STK31: variants seen among roughly 807,000 people sequenced by gnomAD.
The protein encoded by STK31 is serine/threonine-protein kinase 31.
A neutral mutation model predicts 129.7 loss-of-function variants in STK31; 89 were observed. That is an observed-to-expected ratio of 0.69 (90% CI 0.58 to 0.82). The LOEUF is 0.82. Among genes scored for constraint, STK31 ranks in the 40% least tolerant of loss-of-function variants. The pLI, the probability that STK31 is intolerant of heterozygous loss-of-function variation, is 0.00. For synonymous variants in STK31, 448 were observed against 395.3 expected (o/e 1.13, Z -1.58); for missense variants, 1,187 against 1,176.4 (o/e 1.01, Z -0.13).
In STK31 at chr7:23,776,937, C is replaced by A. The variant is rs1584428132; in HGVS notation, c.1966-4482C>A. Among the ~76,000 whole-genome samples the A allele has an allele frequency of 2.0e-5, 3 of 152,256 alleles. No individual in the cohort carries two copies. The South Asian group carries it at 6.2e-4, about 32-fold the overall frequency. On this transcript the variant is annotated intron_variant, in intron 15 of 23. Transcript: ENST00000355870. ...TTAGGGTGTCGATTTTAGATCTTTT[C>A]CGCTTTCACCTGTGGGCATTTAGTG...
chr7:23,716,123 T>G (rs778755754), intron 3 of STK31, among the ~76,000 whole-genome samples: 5 of 152,222 alleles, frequency 3.3e-5, no homozygotes, highest in Admixed American at 6.5e-5. Context: ...AAATTGTATT[T>G]AGTTGTGTAT....
At chr7:23,740,289 AT>A (rs904309510) in intron 8 of STK31, among the ~76,000 whole-genome samples, 12 of 151,726 alleles carry the variant, frequency 7.9e-5, no homozygotes, top group African/African-American at 2.7e-4. Flanking sequence ...CACTGAAGCC[AT>A]TTTTTTTCTT....
chr7:23,734,714 C>T (rs2128079223), intron 6 of STK31, among the ~76,000 whole-genome samples: 1 of 152,282 alleles, frequency 6.6e-6, no homozygotes, highest in African/African-American at 2.4e-5. Flanking sequence ...CCTGTAATCC[C>T]AGCACTTTGG....
intron 7 of STK31, 106 bp downstream of exon 7, chr7:23,736,002 T>C (rs1787697152): frequency 4.6e-6 from 4 of 876,132 alleles, no homozygotes; most frequent in Non-Finnish European, 6.8e-6. Context: ...GTGTCAGTGA[T>C]TTTAAGGGCT....
At chr7:23,819,648 C>G (rs970190904) in intron 23 of STK31, among the ~76,000 whole-genome samples, 1 of 152,144 alleles carries the variant, frequency 6.6e-6, no homozygotes, top group Non-Finnish European at 1.5e-5. Flanking sequence ...CTCCTGGCCT[C>G]AATGATCCAC....
chr7:23,817,905 G>A (rs954027005), intron 23 of STK31, among the ~76,000 whole-genome samples: 1 of 151,738 alleles, frequency 6.6e-6, no homozygotes, highest in South Asian at 2.1e-4. Context: ...GTCCAAATAA[G>A]TTTAAATACC....
intron 22 of STK31, among the ~76,000 whole-genome samples, chr7:23,792,834 C>T (rs1006447208): frequency 2.0e-5 from 3 of 152,102 alleles, no homozygotes; most frequent in Non-Finnish European, 4.4e-5. Flanking sequence ...CTAGCCTAGG[C>T]AACACAAGTG....
chr7:23,782,134 G>A (rs1476684102), intron 16 of STK31, among the ~76,000 whole-genome samples: 2 of 151,978 alleles, frequency 1.3e-5, no homozygotes, highest in Admixed American at 1.3e-4. Context: ...TTTATATCTG[G>A]GAGATGTTAC....
chr7:23,786,321 G>C (rs1039996403), intron 18 of STK31, among the ~76,000 whole-genome samples, 187 bp from the exon 19 acceptor site: 1 of 151,680 alleles, frequency 6.6e-6, no homozygotes, highest in African/African-American at 2.4e-5. Flanking sequence ...GCAGGCTACA[G>C]GTAGAATTGC....
chr7:23,742,825 T>A (rs1788129023), intron 8 of STK31, among the ~76,000 whole-genome samples: 1 of 152,192 alleles, frequency 6.6e-6, no homozygotes, highest in African/African-American at 2.4e-5. Context: ...ACTATCTAGT[T>A]GGCCATCTTG....
At chr7:23,730,878 A>ATTTTTTTT (rs60712892) in intron 6 of STK31, among the ~76,000 whole-genome samples, 19 of 59,538 alleles carry the variant, frequency 3.2e-4, no homozygotes, top group South Asian at 8.2e-4. Context: ...ATATATATAT[A>ATTTTTTTT]TTTTTTTTTT....
intron 7 of STK31, among the ~76,000 whole-genome samples, chr7:23,736,587 G>C (rs1235471776): frequency 4.0e-5 from 6 of 149,636 alleles, no homozygotes; most frequent in South Asian, 2.2e-4. Context: ...GGGATCACGG[G>C]GGGGGGATCA....
At chr7:23,818,037 A>G (rs1793568682) in intron 23 of STK31, among the ~76,000 whole-genome samples, 1 of 152,014 alleles carries the variant, frequency 6.6e-6, no homozygotes, top group Non-Finnish European at 1.5e-5. Flanking sequence ...TATATTACAC[A>G]GTTATCACAC....
intron 23 of STK31, among the ~76,000 whole-genome samples, chr7:23,823,382 G>A (rs1246530947): frequency 6.6e-6 from 1 of 152,114 alleles, no homozygotes; most frequent in African/African-American, 2.4e-5. Context: ...TTTTTTGGCT[G>A]CATAAATGTC....
chr7:23,807,922 GCTTT>G (rs1203786664), intron 22 of STK31, among the ~76,000 whole-genome samples: 6 of 150,758 alleles, frequency 4.0e-5, no homozygotes, highest in African/African-American at 1.2e-4. Flanking sequence ...CTGTTTCTTT[GCTTT>G]CTATTTTAAA....
intron 8 of STK31, among the ~76,000 whole-genome samples, chr7:23,743,446 G>A (rs937790366): frequency 4.6e-5 from 7 of 152,202 alleles, no homozygotes; most frequent in African/African-American, 1.7e-4. Flanking sequence ...TCCTTTCAGC[G>A]CTTTGAATAT....
At chr7:23,728,946 A>G (rs1787239727) in intron 5 of STK31, 145 bp from the exon 6 acceptor site, 2 of 591,980 alleles carry the variant, frequency 3.4e-6, no homozygotes, top group Non-Finnish European at 5.2e-6. Flanking sequence ...GATATTAGAA[A>G]TCTGTTTCTG....
chr7:23,812,266 A>C (rs916529057), intron 22 of STK31, among the ~76,000 whole-genome samples: 3 of 151,786 alleles, frequency 2.0e-5, no homozygotes, highest in South Asian at 2.1e-4. Context: ...AAAATGTGCT[A>C]CTTCCTTCGG....
At chr7:23,728,872 A>G (rs1483721188) in intron 5 of STK31, among the ~76,000 whole-genome samples, 3 of 152,218 alleles carry the variant, frequency 2.0e-5, no homozygotes, top group Non-Finnish European at 2.9e-5. Context: ...GTTGGAATTT[A>G]ACTAGTAACA....
Sources: gnomAD v4.1 joint callset for allele counts (sites outside exome capture counted in the v4.1 genomes callset) on GRCh38, gnomAD v4.1.1 for gene constraint, MANE v1.5 for transcripts, NCBI Gene and HGNC (gene_info 2026-07-23, HGNC 2026-07-21) for gene names.